Variants in TOX observed in about 807,000 individuals in gnomAD.
TOX encodes thymocyte selection-associated high mobility group box protein TOX.
Under a neutral mutation model 53.7 loss-of-function variants are expected in TOX, and 11 were observed. That is an observed-to-expected ratio of 0.20 (90% CI 0.13 to 0.34). The LOEUF (loss-of-function observed/expected upper bound fraction) is 0.34, where lower values mean the gene tolerates loss of function less well. Ranked by LOEUF, TOX falls within the 10% of genes least tolerant of loss-of-function variation. The probability of loss-of-function intolerance (pLI) is 1.00; values close to 1 mark genes in which losing one functional copy is unlikely to be tolerated. For synonymous variants in TOX, 225 were observed against 245.3 expected (o/e 0.92, Z 0.77); for missense variants, 570 against 664.6 (o/e 0.86, Z 1.56).
At chr8:58,922,004 T>G (rs1042884964) in intron 3 of TOX, among the ~76,000 whole-genome samples, 1 of 152,224 alleles carries the variant, frequency 6.6e-6, no homozygotes, top group African/African-American at 2.4e-5. Flanking sequence ...TGTATTACTA[T>G]CTTGGTCCCT....
chr8:58,826,221 T>C (rs1239497789), intron 6 of TOX, among the ~76,000 whole-genome samples: 3 of 152,232 alleles, frequency 2.0e-5, no homozygotes, highest in African/African-American at 7.2e-5. Flanking sequence ...CTAATGCTTA[T>C]AGACTCAGTC....
At chr8:58,882,559 T>G (rs550277772) in intron 3 of TOX, among the ~76,000 whole-genome samples, 3 of 152,362 alleles carry the variant, frequency 2.0e-5, no homozygotes, top group East Asian at 3.9e-4. Context: ...TTTAAGGGTA[T>G]CTTGTCCTTG....
In TOX at chr8:59,037,438, T is replaced by C. The variant is rs192561828; in HGVS notation, c.103-77430A>G. On this transcript the variant is annotated intron_variant, in intron 1 of 8. Coordinates refer to ENST00000361421, the MANE Select transcript of TOX (RefSeq NM_014729.3). ...CCTGTGAACTGTTAGGGCTATGTTA[T>C]AGTACTCGCAATTCTGTACTTAAAA... 1.5e-3 allele frequency among the ~76,000 whole-genome samples: 233 copies of C among 152,324 alleles called. 1 individual carries two copies. The highest frequency in any genetic ancestry group is 2.5e-3 in the South Asian group (12 of 4,826).
intron 1 of TOX, among the ~76,000 whole-genome samples, chr8:59,006,329 C>T (rs915185392): frequency 2.6e-5 from 4 of 152,216 alleles, no homozygotes; most frequent in African/African-American, 4.8e-5. Flanking sequence ...GTTTCACTAA[C>T]GCACTGGGTT....
At chr8:58,855,856 A>G (rs991115980) in intron 3 of TOX, among the ~76,000 whole-genome samples, 3 of 152,318 alleles carry the variant, frequency 2.0e-5, no homozygotes, top group Non-Finnish European at 2.9e-5. Flanking sequence ...GTCTTTGTTT[A>G]CGCTGCTCTG....
chr8:58,893,850 T>G (rs748469111), intron 3 of TOX, among the ~76,000 whole-genome samples: 1 of 152,214 alleles, frequency 6.6e-6, no homozygotes, highest in Non-Finnish European at 1.5e-5. Context: ...GAAGTGTAAA[T>G]GCATGAAGAG....
intron 1 of TOX, among the ~76,000 whole-genome samples, chr8:59,001,581 A>C (rs448699): frequency 0.95 from 144,362 of 152,254 alleles, 68,508 homozygotes; most frequent in East Asian, 1. Context: ...TCACAAGTTG[A>C]AACTGTGAGT....
At chr8:58,895,607 C>T (rs1811630999) in intron 3 of TOX, among the ~76,000 whole-genome samples, 1 of 152,182 alleles carries the variant, frequency 6.6e-6, no homozygotes, top group Admixed American at 6.5e-5. Context: ...AAACCAAAAT[C>T]TGATAGGACT....
At chr8:59,009,075 T>G (rs191162077) in intron 1 of TOX, among the ~76,000 whole-genome samples, 1 of 151,848 alleles carries the variant, frequency 6.6e-6, no homozygotes, top group African/African-American at 2.4e-5. Context: ...CCTTTCCTGT[T>G]TCCTTCCCTC....
intron 1 of TOX, among the ~76,000 whole-genome samples, chr8:59,061,980 T>C (rs1330409932): frequency 6.6e-6 from 1 of 152,172 alleles, no homozygotes; most frequent in African/African-American, 2.4e-5. Flanking sequence ...CTCAAAAGCT[T>C]GTTCTGAGGA....
chr8:58,888,402 AAAG>A (rs1469675380), intron 3 of TOX, among the ~76,000 whole-genome samples: 6 of 152,088 alleles, frequency 3.9e-5, no homozygotes, highest in Non-Finnish European at 7.4e-5. Context: ...GAAGGTCACA[AAAG>A]AAGACTTGAA....
At chr8:59,047,778 T>A (rs1803716274) in intron 1 of TOX, among the ~76,000 whole-genome samples, 1 of 152,162 alleles carries the variant, frequency 6.6e-6, no homozygotes, top group East Asian at 1.9e-4. Context: ...AAACACCATA[T>A]AAGCTAATTT....
At chr8:58,977,903 T>A (rs1183301533) in intron 1 of TOX, among the ~76,000 whole-genome samples, 1 of 152,172 alleles carries the variant, frequency 6.6e-6, no homozygotes, top group Non-Finnish European at 1.5e-5. Context: ...AATAAAAAGT[T>A]TGAAATGTGA....
chr8:58,906,390 T>C (rs539381426), intron 3 of TOX, among the ~76,000 whole-genome samples: 58 of 152,358 alleles, frequency 3.8e-4, no homozygotes, highest in African/African-American at 1.3e-3. Flanking sequence ...AAAGGGATGC[T>C]GAAGCATCAG....
In TOX at chr8:58,834,217, C is replaced by T. The variant is rs77564978; in HGVS notation, c.924+3864G>A. On this transcript the variant is annotated intron_variant, in intron 5 of 8. Coordinates refer to ENST00000361421, the MANE Select transcript of TOX (RefSeq NM_014729.3). ...TCATCAATAATTTTGACCATTTTTC[C>T]CAGTTTGTGTTTATATTTGTAGCTG... Among the ~76,000 whole-genome samples the T allele has an allele frequency of 9.9e-4, 150 of 152,194 alleles. 2 individuals are homozygous for T. In the East Asian group the frequency reaches 0.027, roughly 27 times the overall value.
At chr8:58,969,772 ACAATGTC>A (rs958493873) in intron 1 of TOX, among the ~76,000 whole-genome samples, 3 of 152,032 alleles carry the variant, frequency 2.0e-5, no homozygotes, top group African/African-American at 7.2e-5. Flanking sequence ...CTCCCCTTTG[ACAATGTC>A]CATTTTATCA....
chr8:58,969,917 G>A (rs1812972672), intron 1 of TOX, among the ~76,000 whole-genome samples: 1 of 152,132 alleles, frequency 6.6e-6, no homozygotes, highest in East Asian at 1.9e-4. Flanking sequence ...TTACTTTCTG[G>A]AATGTCACCA....
At position 58,851,027 on chromosome 8, in the gene TOX, G is replaced by T. The variant is rs569203426; in HGVS notation, c.693+497C>A. 4.6e-5 allele frequency among the ~76,000 whole-genome samples: 7 copies of T among 152,230 alleles called. No homozygotes were observed. The South Asian group carries it at 1.4e-3, about 32-fold the overall frequency. On this transcript the variant is annotated intron_variant, in intron 4 of 8. Coordinates refer to ENST00000361421, the MANE Select transcript of TOX (RefSeq NM_014729.3). The surrounding 1 kb of genome is among the most constrained non-coding windows in gnomAD (Gnocchi z 4.4). ...AAGGCGTTAACAAAAGGTATGCAAT[G>T]AATCACCCAGGAAAGGAGTCATCTA...
intron 3 of TOX, among the ~76,000 whole-genome samples, chr8:58,854,465 G>A (rs1282122083): frequency 1.3e-5 from 2 of 151,974 alleles, no homozygotes; most frequent in Non-Finnish European, 2.9e-5. Flanking sequence ...GTTTTCTCAT[G>A]TTAATTTGTG....
Sources: allele counts gnomAD v4.1 joint callset (sites outside exome capture counted in the v4.1 genomes callset), GRCh38; gene constraint gnomAD v4.1.1; non-coding constraint Gnocchi (gnomAD v3.1); transcripts MANE v1.5; gene names NCBI Gene and HGNC (gene_info 2026-07-23, HGNC 2026-07-21).